The following GNA14 variants were observed in gnomAD, a reference collection of about 807,000 sequenced individuals.
GNA14 encodes the protein G protein subunit alpha 14, also known as guanine nucleotide-binding protein subunit alpha-14.
GNA14 carries 50 observed loss-of-function variants against 42.0 expected under a neutral mutation model. The ratio of observed to expected loss-of-function variants is 1.19; its 90% CI spans 0.95 to 1.51. The LOEUF is 1.51. Among genes scored for constraint, GNA14 ranks in the 40% most tolerant of loss-of-function variants. GNA14 has a pLI of 0.00. For missense variants in GNA14, 473 were observed against 446.2 expected, an observed-to-expected ratio of 1.06 and a Z score of -0.54; for synonymous variants, 173 against 163.1, an observed-to-expected ratio of 1.06 and a Z score of -0.46.
intron 1 of GNA14, among the ~76,000 whole-genome samples, chr9:77,643,688 T>C (rs964637736): frequency 1.1e-4 from 16 of 152,194 alleles, no homozygotes; most frequent in African/African-American, 3.6e-4. Flanking sequence ...TTCAACTTTT[T>C]GGTGTAAGCA....
intron 2 of GNA14, among the ~76,000 whole-genome samples, chr9:77,472,266 CA>C (rs1836345391): frequency 1.3e-5 from 2 of 152,132 alleles, no homozygotes; most frequent in South Asian, 4.1e-4. Context: ...AACATGTCAT[CA>C]GGGGAAGGTG....
Position 77,431,405 on chromosome 9 carries a change from G to T in GNA14, c.509C>A (p.Pro170His). 1 of 1,613,702 alleles carries T rather than the reference G, an allele frequency of 6.2e-7. No individual in the cohort carries two copies. Among genetic ancestry groups the T allele is most frequent in the Non-Finnish European group, 8.5e-7 (1 of 1,179,680 alleles). The change falls in exon 4 of 7, where the codon CCT (proline) becomes CAT (histidine). Residue 170 changes from proline to histidine, a missense_variant. Transcript: ENST00000341700. Reference protein sequence around the residue: ...IDRIATPSFVPTQQDVLRVRV... With the variant: ...IDRIATPSFVHTQQDVLRVRV... Reference sequence around the variant, plus strand: ...GACGCGAAGCACATCTTGTTGGGTAGGCACGAATGATGGTGTGGCGATGCG... The same window carrying T: ...GACGCGAAGCACATCTTGTTGGGTATGCACGAATGATGGTGTGGCGATGCG...
At chr9:77,560,330 C>T (rs1241228283) in intron 1 of GNA14, among the ~76,000 whole-genome samples, 1 of 143,406 alleles carries the variant, frequency 7.0e-6, no homozygotes, top group Non-Finnish European at 1.5e-5. Context: ...ACTCTGTCAC[C>T]AAGGCTGGAG....
chr9:77,566,882 G>A (rs1822976585), intron 1 of GNA14, among the ~76,000 whole-genome samples: 1 of 152,068 alleles, frequency 6.6e-6, no homozygotes, highest in African/African-American at 2.4e-5. Context: ...TGAATCTCAG[G>A]AGAGTGAACT....
chr9:77,436,626 G>A (rs1032503708), intron 2 of GNA14, among the ~76,000 whole-genome samples: 5 of 151,968 alleles, frequency 3.3e-5, no homozygotes, highest in African/African-American at 2.4e-5. Flanking sequence ...CCCTCCTCTC[G>A]CCACGCTCTT....
chr9:77,444,317 C>A (rs1835780002), intron 2 of GNA14, among the ~76,000 whole-genome samples: 1 of 152,216 alleles, frequency 6.6e-6, no homozygotes, highest in Non-Finnish European at 1.5e-5. Context: ...GTGCCCTCAG[C>A]ACATTTAACT....
At chr9:77,584,518 C>G (rs562249625) in intron 1 of GNA14, among the ~76,000 whole-genome samples, 1 of 151,462 alleles carries the variant, frequency 6.6e-6, no homozygotes, top group Admixed American at 6.6e-5. Flanking sequence ...CCCCCCACCC[C>G]CCACCACCCC....
chr9:77,538,962 A>G (rs973145264), intron 1 of GNA14, among the ~76,000 whole-genome samples: 1 of 152,200 alleles, frequency 6.6e-6, no homozygotes, highest in Non-Finnish European at 1.5e-5. Context: ...AAAGAGGTAC[A>G]ATTTGACTTC....
At chr9:77,540,727 A>G (rs1837649769) in intron 1 of GNA14, among the ~76,000 whole-genome samples, 1 of 151,886 alleles carries the variant, frequency 6.6e-6, no homozygotes, top group African/African-American at 2.4e-5. Context: ...ACACACTGAC[A>G]TTTTTTGTCT....
At chr9:77,607,316 G>C (rs185249750) in intron 1 of GNA14, among the ~76,000 whole-genome samples, 1 of 152,270 alleles carries the variant, frequency 6.6e-6, no homozygotes, top group East Asian at 1.9e-4. Context: ...TAAGAAATCA[G>C]AATAAGTGAT....
At chr9:77,480,827 A>T (rs1215383133) in intron 2 of GNA14, among the ~76,000 whole-genome samples, 1 of 152,094 alleles carries the variant, frequency 6.6e-6, no homozygotes, top group Non-Finnish European at 1.5e-5. Context: ...TTTCTAGTTT[A>T]TTTGCATAGA....
At chr9:77,636,088 G>A (rs779784707) in intron 1 of GNA14, among the ~76,000 whole-genome samples, 4 of 152,158 alleles carry the variant, frequency 2.6e-5, no homozygotes, top group South Asian at 4.1e-4. Context: ...AAATGGATTA[G>A]AAGATAATTC....
chr9:77,564,822 G>C (rs1247519600), intron 1 of GNA14, among the ~76,000 whole-genome samples: 2 of 132,332 alleles, frequency 1.5e-5, no homozygotes, highest in Non-Finnish European at 3.2e-5. Flanking sequence ...GACGAAGCAA[G>C]AATCTGTCTA....
intron 1 of GNA14, among the ~76,000 whole-genome samples, chr9:77,554,871 T>C (rs1398259877): frequency 6.6e-6 from 1 of 152,218 alleles, no homozygotes; most frequent in Non-Finnish European, 1.5e-5. Flanking sequence ...GTTTTCTTTT[T>C]TTAAATGCAA....
Position 77,563,474 on chromosome 9 carries a change from A to G in GNA14, c.125-34221T>C, listed in dbSNP as rs186840185. On this transcript the variant is annotated intron_variant, in intron 1 of 6. Coordinates refer to ENST00000341700, the MANE Select transcript of GNA14 (RefSeq NM_004297.4). ...TGTTTCATTTTTAAGTACAGAGGTC[A>G]ATGATGGAGAAATGTAAGAGAACTG... Among the ~76,000 whole-genome samples, 43 of 152,314 alleles carry G rather than the reference A, an allele frequency of 2.8e-4. 1 individual carries two copies. Among genetic ancestry groups the G allele is most frequent in the Admixed American group, 2.5e-3 (39 of 15,302 alleles).
chr9:77,581,637 C>T (rs895938451), intron 1 of GNA14, among the ~76,000 whole-genome samples: 3 of 152,078 alleles, frequency 2.0e-5, no homozygotes, highest in African/African-American at 7.2e-5. Flanking sequence ...GTAAAATTAC[C>T]CCAATCGGAT....
At chr9:77,553,780 G>GGA (rs1165652888) in intron 1 of GNA14, among the ~76,000 whole-genome samples, 3 of 152,026 alleles carry the variant, frequency 2.0e-5, no homozygotes, top group Non-Finnish European at 4.4e-5. Context: ...TCCAATTCTA[G>GGA]GATATATAAT....
At chr9:77,462,063 C>T (rs1836116938) in intron 2 of GNA14, among the ~76,000 whole-genome samples, 1 of 152,154 alleles carries the variant, frequency 6.6e-6, no homozygotes, top group Non-Finnish European at 1.5e-5. Flanking sequence ...GACCACTTGT[C>T]CAGCCTGCAT....
chr9:77,563,551 T>C (rs546147404), intron 1 of GNA14, among the ~76,000 whole-genome samples: 2 of 152,286 alleles, frequency 1.3e-5, no homozygotes, highest in Admixed American at 1.3e-4. Context: ...GCCTGATTCT[T>C]CATAGGGCTT....
Sources: gnomAD v4.1 joint callset for allele counts (sites outside exome capture counted in the v4.1 genomes callset) on GRCh38, gnomAD v4.1.1 for gene constraint, MANE v1.5 for transcripts, NCBI Gene and HGNC (gene_info 2026-07-23, HGNC 2026-07-21) for gene names.